Variants in MRE11 observed in about 807,000 individuals in gnomAD.
The protein encoded by MRE11 is MRE11 double strand break repair nuclease, also known as double-strand break repair protein MRE11.
Under a neutral mutation model 91.7 loss-of-function variants are expected in MRE11, and 62 were observed. The ratio of observed to expected loss-of-function variants is 0.68; its 90% CI spans 0.55 to 0.84. The LOEUF (loss-of-function observed/expected upper bound fraction) is 0.84. MRE11 is among the 40% of genes least tolerant of loss of function. The pLI, the probability that MRE11 is intolerant of heterozygous loss-of-function variation, is 0.00. For missense variants in MRE11, 796 were observed against 852.9 expected (o/e 0.93, Z 0.83); for synonymous variants, 273 against 271.4 (o/e 1.01, Z -0.06).
intron 8 of MRE11, among the ~76,000 whole-genome samples, chr11:94,471,162 C>T (rs1946699448): frequency 6.6e-6 from 1 of 152,062 alleles, no homozygotes; most frequent in Admixed American, 6.6e-5. Flanking sequence ...CTACTTCTTA[C>T]AATCATATCA....
chr11:94,483,879 T>C (rs1051672033), intron 4 of MRE11: 19 of 151,938 alleles, frequency 1.3e-4, no homozygotes, highest in African/African-American at 2.2e-4. Context: ...AATAAATAAA[T>C]AAACATGAGT....
At chr11:94,465,440 G>A (rs1946538036) in intron 10 of MRE11, among the ~76,000 whole-genome samples, 1 of 143,056 alleles carries the variant, frequency 7.0e-6, no homozygotes, top group South Asian at 2.2e-4. Context: ...CTGTCACCCA[G>A]GCTGGAATGC....
At chr11:94,489,256 G>A (rs1360607337) in intron 3 of MRE11, among the ~76,000 whole-genome samples, 2 of 151,908 alleles carry the variant, frequency 1.3e-5, no homozygotes, top group East Asian at 3.9e-4. Context: ...GCCCCACCAA[G>A]ATCAATGTGC....
intron 10 of MRE11, among the ~76,000 whole-genome samples, chr11:94,465,395 CTTTTTTTTTTT>C (rs752729940): frequency 1.6e-5 from 2 of 127,960 alleles, no homozygotes. Flanking sequence ...CTCTCTCTCT[CTTTTTTTTTTT>C]TTTTTTTTTG....
chr11:94,453,826 C>T (rs1020094106), intron 14 of MRE11, among the ~76,000 whole-genome samples: 6 of 152,042 alleles, frequency 3.9e-5, no homozygotes, highest in African/African-American at 1.2e-4. Context: ...TATCAACCCA[C>T]CTCAAATTGA....
chr11:94,471,935 G>C (rs1180866597), intron 7 of MRE11, among the ~76,000 whole-genome samples, 176 bp from the exon 8 acceptor site: 1 of 151,980 alleles, frequency 6.6e-6, no homozygotes, highest in East Asian at 1.9e-4. Flanking sequence ...TCCTGACCTT[G>C]AGAGCTTTAC....
chr11:94,435,478 C>G (rs1393234391), intron 18 of MRE11, among the ~76,000 whole-genome samples: 1 of 152,102 alleles, frequency 6.6e-6, no homozygotes, highest in Non-Finnish European at 1.5e-5. Context: ...ATTGCTTGAG[C>G]CCAGAAAGTG....
At chr11:94,478,045 A>G (rs1946914503) in intron 6 of MRE11, among the ~76,000 whole-genome samples, 1 of 152,162 alleles carries the variant, frequency 6.6e-6, no homozygotes, top group Non-Finnish European at 1.5e-5. Context: ...GCTGGGGGAC[A>G]GGGAGGGGTG....
rs538764230 is a variant in MRE11 at position 94,427,669 on chromosome 11, T to C, written c.2070+2242A>G. Among the ~76,000 whole-genome samples the C allele has an allele frequency of 9.2e-5, 14 of 152,018 alleles. 1 individual carries two copies. The South Asian group carries it at 2.1e-3, about 23-fold the overall frequency. On this transcript the variant is annotated intron_variant, in intron 19 of 19. Transcript: ENST00000323929. ...GACCCTGCCAAAAGGCTCCTAGAAC[T>C]GATAAACGACTTCAGCAAAGTTTCA...
At chr11:94,482,882 G>A (rs534599072) in intron 4 of MRE11, among the ~76,000 whole-genome samples, 21 of 152,192 alleles carry the variant, frequency 1.4e-4, no homozygotes, top group African/African-American at 4.8e-4. Flanking sequence ...AGGTTGCAGT[G>A]AGCCAAGATC....
chr11:94,494,514 T>C (rs1947381286), upstream of MRE11, among the ~76,000 whole-genome samples: 1 of 152,194 alleles, frequency 6.6e-6, no homozygotes, highest in Admixed American at 6.5e-5. Context: ...TAGCCCCGCC[T>C]ATCACTGAGT....
At chr11:94,489,126 T>C (rs1947219860) in intron 3 of MRE11, among the ~76,000 whole-genome samples, 8 of 152,090 alleles carry the variant, frequency 5.3e-5, no homozygotes, top group Admixed American at 5.2e-4. Flanking sequence ...CAATAAATTA[T>C]TTCAGATAGT....
At position 94,479,665 on chromosome 11, in the gene MRE11, A is replaced by C. The variant is rs1481907442; in HGVS notation, c.402+9T>G. 1 of 1,608,720 alleles carries C rather than the reference A, an allele frequency of 6.2e-7. No individual in the cohort carries two copies. The highest frequency in any genetic ancestry group is 8.5e-7 in the Non-Finnish European group (1 of 1,175,966). ...AAATTCCAACAAACTCTAAGAAAAC[A>C]ATAATTACCCCTGTGGGATCGTCAT... On this transcript the variant is annotated intron_variant, in intron 5 of 19. Transcript: ENST00000323929.
intron 4 of MRE11, among the ~76,000 whole-genome samples, chr11:94,482,109 G>A (rs1947027182): frequency 2.0e-5 from 3 of 152,154 alleles, no homozygotes; most frequent in Admixed American, 2.0e-4. Flanking sequence ...TAAATCCACA[G>A]CTAAATAAGA....
chr11:94,484,741 C>T (rs977083235), intron 4 of MRE11, among the ~76,000 whole-genome samples: 5 of 152,166 alleles, frequency 3.3e-5, no homozygotes, highest in Non-Finnish European at 5.9e-5. Flanking sequence ...CCTGTAATCC[C>T]AATCTAATCA....
chr11:94,441,348 G>A (rs141197369), intron 16 of MRE11, among the ~76,000 whole-genome samples: 192 of 152,296 alleles, frequency 1.3e-3, no homozygotes, highest in African/African-American at 4.2e-3. Context: ...CTCAAATTTA[G>A]CTTAAAGTGG....
chr11:94,484,939 C>T (rs1004304439), intron 4 of MRE11, among the ~76,000 whole-genome samples: 9 of 152,174 alleles, frequency 5.9e-5, no homozygotes, highest in Admixed American at 5.2e-4. Context: ...GGGCCAGAAG[C>T]GGTAGCTTGC....
chr11:94,493,874 T>A (rs1454715724), upstream of MRE11: 1 of 152,092 alleles, frequency 6.6e-6, no homozygotes, highest in Non-Finnish European at 1.5e-5. Flanking sequence ...ATGGATAACG[T>A]AGATGCTTCA....
chr11:94,463,234 C>A (rs185438924), intron 11 of MRE11, among the ~76,000 whole-genome samples: 2 of 152,256 alleles, frequency 1.3e-5, no homozygotes, highest in East Asian at 3.9e-4. Context: ...CAATGAAATA[C>A]CATCTCATAC....
Sources: gnomAD v4.1 joint callset for allele counts (sites outside exome capture counted in the v4.1 genomes callset) on GRCh38, gnomAD v4.1.1 for gene constraint, MANE v1.5 for transcripts, NCBI Gene and HGNC (gene_info 2026-07-23, HGNC 2026-07-21) for gene names.